The following RNF19B variants were observed in gnomAD, a reference collection of about 807,000 sequenced individuals.
The protein encoded by RNF19B is ring finger protein 19B, also known as E3 ubiquitin-protein ligase RNF19B.
Under a neutral mutation model 65.5 loss-of-function variants are expected in RNF19B, and 23 were observed. The ratio of observed to expected loss-of-function variants is 0.35; its 90% CI spans 0.25 to 0.50. RNF19B has a LOEUF of 0.50. Among genes scored for constraint, RNF19B ranks in the 20% least tolerant of loss-of-function variants. The pLI is 0.98. For missense variants in RNF19B, 794 were observed against 980.0 expected (o/e 0.81, Z 2.53); for synonymous variants, 372 against 379.6 (o/e 0.98, Z 0.23).
At chr1:32,935,139 ATTT>A (rs968186174), downstream of RNF19B, among the ~76,000 whole-genome samples, 7 of 145,914 alleles carry the variant, frequency 4.8e-5, no homozygotes, top group South Asian at 2.2e-4. Flanking sequence ...CCATTATTTT[ATTT>A]TTTATTTTAT....
At position 32,964,749 on chromosome 1, in the gene RNF19B, T is replaced by C; in HGVS notation, c.-64A>G. Reference sequence around the variant, plus strand: ...GCCACAGCTCCCGCCTCAGCGCCCCTCAGCCAGCGCCCGGCCGCCGCCGAC... The same window carrying C: ...GCCACAGCTCCCGCCTCAGCGCCCCCCAGCCAGCGCCCGGCCGCCGCCGAC... On this transcript the variant is annotated 5_prime_UTR_variant, in exon 1 of 9. Coordinates refer to ENST00000235150, the MANE Select transcript of RNF19B (RefSeq NM_001300826.2). This position sits in a 1 kb window ranked among gnomAD's most constrained non-coding sequence, Gnocchi z 6.5. The C allele has an allele frequency of 7.7e-7, 1 of 1,299,306 alleles. No homozygotes were observed. Among genetic ancestry groups the C allele is most frequent in the Non-Finnish European group, 9.8e-7 (1 of 1,023,802 alleles). The allele number at this position is 1,299,306 out of a possible 1,614,324, so 80.5% of individuals were successfully genotyped here.
chr1:32,937,126 C>T lies in RNF19B; in HGVS notation c.1876G>A (p.Gly626Ser). 1 of 1,614,204 alleles carries T rather than the reference C, an allele frequency of 6.2e-7. No individual in the cohort carries two copies. The highest frequency in any genetic ancestry group is 8.5e-7 in the Non-Finnish European group (1 of 1,180,042). ...QMAENEEEGS[G>S]GGGSEEDPPC... The stretch of plus-strand genomic sequence containing the variant: ...GGATCCTCTTCACTGCCTCCGCCAC[C>T]ACTACCTTCTTCTTCATTCTCTGCC... The change falls in exon 9 of 9, where the codon GGT (glycine) becomes AGT (serine). Residue 626 changes from glycine to serine, a missense_variant. Around this residue, in one of 3 missense-constraint regions of RNF19B, gnomAD observed 368 missense variants for 447.3 expected, o/e 0.82. Transcript: ENST00000235150.
At chr1:32,932,042 T>G (rs1642035039), downstream of RNF19B, among the ~76,000 whole-genome samples, 1 of 152,210 alleles carries the variant, frequency 6.6e-6, no homozygotes. Context: ...CAGGATTCAG[T>G]AACTGCAGGA....
Position 32,946,390 on chromosome 1 carries a change from T to G in RNF19B, c.1146+12A>C. 1 of 1,612,342 alleles carries G rather than the reference T, an allele frequency of 6.2e-7. No homozygotes were observed. The highest frequency in any genetic ancestry group is 8.5e-7 in the Non-Finnish European group (1 of 1,178,946). On this transcript the variant is annotated intron_variant, in intron 4 of 8. Coordinates refer to ENST00000235150, the MANE Select transcript of RNF19B (RefSeq NM_001300826.2). ...GTTGAAACAAGCACAGAAACCAGCATGTCTTTCTTACCTTCCTTCCAACAT... is the reference window on the plus strand; with the variant it reads ...GTTGAAACAAGCACAGAAACCAGCAGGTCTTTCTTACCTTCCTTCCAACAT...
intron 4 of RNF19B, 138 bp from the exon 5 acceptor site, chr1:32,945,766 C>A: frequency 1.9e-6 from 1 of 530,322 alleles, no homozygotes; most frequent in East Asian, 3.0e-5. Flanking sequence ...GCATCTTTAT[C>A]AAATTTTAAC....
chr1:32,937,922 C>T (rs780423174), intron 8 of RNF19B, among the ~76,000 whole-genome samples: 4 of 151,562 alleles, frequency 2.6e-5, no homozygotes, highest in Non-Finnish European at 5.9e-5. Flanking sequence ...TTTTTACTAC[C>T]ATGCCACAAG....
chr1:32,935,444 A>G (rs1642081856), downstream of RNF19B, among the ~76,000 whole-genome samples: 10 of 152,064 alleles, frequency 6.6e-5, no homozygotes, highest in Admixed American at 6.5e-4. Context: ...CGGCCAGGAC[A>G]TTATTTTACA....
rs757597383 is a variant in RNF19B, at chr1:32,937,010, A to C, written c.1992T>G (p.Ser664Arg). ...ACTGTGCATCAGAACTCTCTAGGTC[A>C]CTGCGGATGCTTTCAGGCTGGGCCA... ...ISLAQPESIR[S>R]DLESSDAQSD... Residue 664 changes from serine to arginine, a missense_variant, in exon 9 of 9, where the codon AGT (serine) becomes AGG (arginine). By Grantham distance (110) the Ser-to-Arg change is moderately radical. Coordinates refer to ENST00000235150, the MANE Select transcript of RNF19B (RefSeq NM_001300826.2). The C allele has an allele frequency of 6.2e-7, 1 of 1,614,136 alleles. No individual in the cohort carries two copies. Among genetic ancestry groups the C allele is most frequent in the South Asian group, 1.1e-5 (1 of 91,070 alleles).
In RNF19B at chr1:32,949,588, A is replaced by G. The variant is rs769959395; in HGVS notation, c.822T>C (p.Tyr274=). 9.9e-6 allele frequency: 16 copies of G among 1,614,000 alleles called. No individual in the cohort carries two copies. The highest frequency in any genetic ancestry group is 1.3e-5 in the African/African-American group (1 of 74,912). Residue 274 remains tyrosine (Y), a synonymous_variant, in exon 2 of 9, where the codon TAT becomes TAC. Transcript: ENST00000235150. ...VRTKHTSGLS[Y]GQESGPDDIK... ...TTATACCTGGTCCAGATTCTTGCCC[A>G]TAACTGAGACCTGAAGTGTGTTTGG...
chr1:32,946,646 C>A, intron 3 of RNF19B, 82 bp from the exon 4 acceptor site: 1 of 1,245,284 alleles, frequency 8.0e-7, no homozygotes, highest in East Asian at 2.5e-5. Context: ...CAGCAACAGC[C>A]TTCTTTTCAG....
intron 6 of RNF19B, among the ~76,000 whole-genome samples, chr1:32,943,506 CTCAGGAGGCTGAG>C (rs905263903): frequency 1.3e-5 from 2 of 151,846 alleles, no homozygotes; most frequent in African/African-American, 2.4e-5. Context: ...GTCCCAGCTA[CTCAGGAGGCTGAG>C]GCAGGAGAAT....
At chr1:32,963,919 T>C (rs1352695584) in intron 1 of RNF19B, 132 bp downstream of exon 1, 2 of 1,332,076 alleles carry the variant, frequency 1.5e-6, no homozygotes, top group East Asian at 3.1e-5. Context: ...GCTTGCCTGA[T>C]GGTTACCACC....
intron 8 of RNF19B, among the ~76,000 whole-genome samples, chr1:32,937,992 C>G (rs1382976047): frequency 6.6e-6 from 1 of 151,756 alleles, no homozygotes; most frequent in Non-Finnish European, 1.5e-5. Flanking sequence ...CCAGATACAC[C>G]AGTTTCTCAA....
At chr1:32,947,396 G>A (rs937737318) in intron 3 of RNF19B, among the ~76,000 whole-genome samples, 1 of 152,066 alleles carries the variant, frequency 6.6e-6, no homozygotes, top group Non-Finnish European at 1.5e-5. Flanking sequence ...GCGGTGGCTC[G>A]CGCTTGTAAT....
At position 32,964,228 on chromosome 1, in the gene RNF19B, T is replaced by G. The variant is rs1642843642; in HGVS notation, c.458A>C (p.Glu153Ala). The G allele has an allele frequency of 6.5e-7, 1 of 1,546,052 alleles. No individual in the cohort carries two copies. Among genetic ancestry groups the G allele is most frequent in the Non-Finnish European group, 8.7e-7 (1 of 1,145,378 alleles). ...GATGGGCACCCTGCTCTCGCTTATC[T>G]CCAGGCGCAGGTAGTGGCGGAGGCA... ...RDCLRHYLRL[E>A]ISESRVPISC... The change falls in exon 1 of 9, where the codon GAG becomes GCG. Residue 153 changes from glutamate to alanine, a missense_variant. Transcript: ENST00000235150. This position sits in a 1 kb window ranked among gnomAD's most constrained non-coding sequence, Gnocchi z 6.5.
intron 1 of RNF19B, among the ~76,000 whole-genome samples, chr1:32,953,743 A>G (rs566609018): frequency 6.6e-6 from 1 of 152,072 alleles, no homozygotes; most frequent in African/African-American, 2.4e-5. Context: ...TTTGCATTAA[A>G]TGGGAAAGTT....
At chr1:32,943,949 G>A in intron 6 of RNF19B, 70 bp downstream of exon 6, 1 of 1,449,784 alleles carries the variant, frequency 6.9e-7, no homozygotes, top group Non-Finnish European at 9.5e-7. Flanking sequence ...CCTGTAAAAT[G>A]CGCTGAATTT....
rs75240537 is a variant in RNF19B, at chr1:32,937,182, G to A, written c.1820C>T (p.Thr607Met). 125 of 1,614,086 alleles carry A rather than the reference G, an allele frequency of 7.7e-5. 1 individual carries two copies. Among genetic ancestry groups the A allele is most frequent in the South Asian group, 1.9e-4 (17 of 91,072 alleles). Residue 607 changes from threonine (T) to methionine (M), a missense_variant, in exon 9 of 9, where the codon ACG becomes ATG. Thr to Met is a moderately conservative substitution (Grantham distance 81, BLOSUM62 -1). This residue lies in a region of RNF19B where 368 missense variants were observed against 447.3 expected (regional missense o/e 0.82). Coordinates refer to ENST00000235150, the MANE Select transcript of RNF19B (RefSeq NM_001300826.2). ...SHYQLVSGSS[T>M]EDSLHVHAQM... The stretch of plus-strand genomic sequence containing the variant: ...AGCATGAACATGGAGCGAGTCCTCC[G>A]TGCTGCTTCCACTCACCAGCTGATA...
intron 3 of RNF19B, among the ~76,000 whole-genome samples, chr1:32,947,999 A>G (rs890421406): frequency 6.6e-6 from 1 of 152,166 alleles, no homozygotes; most frequent in African/African-American, 2.4e-5. Flanking sequence ...CAAGACAGCA[A>G]AAGGGAAAAA....
Sources: gnomAD v4.1 joint callset for allele counts (sites outside exome capture counted in the v4.1 genomes callset) on GRCh38, gnomAD v4.1.1 for gene constraint, gnomAD v4.1.1 regional missense constraint, Gnocchi (gnomAD v3.1) non-coding constraint, MANE v1.5 for transcripts, NCBI Gene and HGNC (gene_info 2026-07-23, HGNC 2026-07-21) for gene names.